The following TCP11L1 variants were observed in gnomAD, a reference collection of about 807,000 sequenced individuals.
The protein encoded by TCP11L1 is T-complex protein 11-like protein 1.
TCP11L1 carries 28 observed loss-of-function variants against 48.9 expected under a neutral mutation model. The observed-to-expected ratio is 0.57, with a 90% CI of 0.42 to 0.78. TCP11L1 has a LOEUF of 0.78. Among genes scored for constraint, TCP11L1 ranks in the 30% least tolerant of loss-of-function variants. The pLI is 0.00. For missense variants in TCP11L1, 505 were observed against 613.4 expected (o/e 0.82, Z 1.87); for synonymous variants, 204 against 231.9 (o/e 0.88, Z 1.09).
intron 5 of TCP11L1, among the ~76,000 whole-genome samples, 172 bp from the exon 6 acceptor site, chr11:33,058,787 A>T (rs1854389215): frequency 6.6e-6 from 1 of 151,690 alleles, no homozygotes; most frequent in South Asian, 2.1e-4. Flanking sequence ...TCATGTTGTC[A>T]CATTTGCTAT....
At chr11:33,056,842 TTA>T (rs1854323702) in intron 3 of TCP11L1, 1 of 369,470 alleles carries the variant, frequency 2.7e-6, no homozygotes, top group South Asian at 4.0e-5. Context: ...AATATTCTTA[TTA>T]TATGGCACTG....
intron 2 of TCP11L1, among the ~76,000 whole-genome samples, chr11:33,048,376 A>T (rs1854060513): frequency 6.6e-6 from 1 of 152,126 alleles, no homozygotes; most frequent in Non-Finnish European, 1.5e-5. Flanking sequence ...TGAGGTGAAG[A>T]CGTGTTGTCC....
intron 3 of TCP11L1, chr11:33,056,556 CTTA>C (rs936473405): frequency 7.2e-5 from 12 of 165,998 alleles, no homozygotes; most frequent in Admixed American, 3.0e-4. Context: ...GAATTGTTAT[CTTA>C]TTATTATTAT....
intron 4 of TCP11L1, 69 bp downstream of exon 4, chr11:33,057,304 C>T: frequency 6.3e-7 from 1 of 1,594,738 alleles, no homozygotes; most frequent in Middle Eastern, 1.7e-4. Flanking sequence ...TCTTGTGTCA[C>T]CACCAGAAGA....
chr11:33,070,213 T>G (rs1854740985), intron 9 of TCP11L1, among the ~76,000 whole-genome samples: 1 of 149,880 alleles, frequency 6.7e-6, no homozygotes, highest in Admixed American at 6.6e-5. Flanking sequence ...CCCAGGAGTT[T>G]GAGGCTGCAG....
intron 1 of TCP11L1, among the ~76,000 whole-genome samples, chr11:33,042,152 A>G (rs1853853995): frequency 6.6e-6 from 1 of 152,108 alleles, no homozygotes; most frequent in Admixed American, 6.6e-5. Flanking sequence ...GTTTGTTTAG[A>G]CAGAGTCTCA....
Position 33,069,380 on chromosome 11 carries a change from A to G in TCP11L1, c.1327+521A>G, listed in dbSNP as rs1854711814. Among the ~76,000 whole-genome samples the G allele has an allele frequency of 2.6e-5, 4 of 151,688 alleles. No homozygotes were observed. In the South Asian group the frequency reaches 8.3e-4, roughly 31 times the overall value. On this transcript the variant is annotated intron_variant, in intron 9 of 9. Coordinates refer to ENST00000334274, the MANE Select transcript of TCP11L1 (RefSeq NM_018393.4). Reference sequence around the variant, plus strand: ...ATCAAATATAATAACTTAAAATGGTAATATTAAGATATTGCTATTTAAAAT... The same window carrying G: ...ATCAAATATAATAACTTAAAATGGTGATATTAAGATATTGCTATTTAAAAT...
chr11:33,068,559 GTC>G, intron 8 of TCP11L1, 126 bp from the exon 9 acceptor site: 2 of 1,167,244 alleles, frequency 1.7e-6, no homozygotes, highest in Non-Finnish European at 2.5e-6. Context: ...AGGGAAAAGA[GTC>G]TCAAATTGTC....
At chr11:33,072,059 T>A (rs1302709352) in intron 9 of TCP11L1, among the ~76,000 whole-genome samples, 1 of 152,196 alleles carries the variant, frequency 6.6e-6, no homozygotes, top group Non-Finnish European at 1.5e-5. Flanking sequence ...ATGGCCAGGC[T>A]GGTCGAACTC....
At chr11:33,071,318 A>G (rs1337449946) in intron 9 of TCP11L1, among the ~76,000 whole-genome samples, 2 of 152,022 alleles carry the variant, frequency 1.3e-5, no homozygotes, top group Non-Finnish European at 2.9e-5. Flanking sequence ...TGTCTCGAGA[A>G]AAAAAAAGAG....
At position 33,057,969 on chromosome 11, in the gene TCP11L1, A is replaced by T; in HGVS notation, c.468A>T (p.Ile156=). ...GTCATACTAGACTGAGAAACCAGAT[A>T]ACAGAAGTCTTGGATCTGGATCTGA... ...LPGHTRLRNQ[I]TEVLDLDLIK... is the part of the protein sequence containing the mutation. The change falls in exon 5 of 10, where the codon ATA becomes ATT. Residue 156 remains isoleucine, a synonymous_variant. Coordinates refer to ENST00000334274, the MANE Select transcript of TCP11L1 (RefSeq NM_018393.4). 6.2e-7 allele frequency: 1 copy of T among 1,614,170 alleles called. No individual in the cohort carries two copies. Among genetic ancestry groups the T allele is most frequent in the Non-Finnish European group, 8.5e-7 (1 of 1,180,018 alleles).
intron 3 of TCP11L1, 117 bp from the exon 4 acceptor site, chr11:33,056,998 G>T: frequency 7.1e-7 from 1 of 1,410,462 alleles, no homozygotes; most frequent in Non-Finnish European, 9.6e-7. Flanking sequence ...TCTTTCCTTG[G>T]TCCAAATCAC....
chr11:33,052,464 G>T (rs551158580), intron 2 of TCP11L1, among the ~76,000 whole-genome samples: 1 of 136,246 alleles, frequency 7.3e-6, no homozygotes, highest in African/African-American at 2.7e-5. Context: ...TCTTCGATTT[G>T]GTTCCTTTTT....
intron 2 of TCP11L1, among the ~76,000 whole-genome samples, chr11:33,046,765 T>C (rs906903145): frequency 5.3e-5 from 8 of 152,204 alleles, no homozygotes; most frequent in African/African-American, 1.9e-4. Flanking sequence ...TTACAAAATA[T>C]GGAATTAACA....
chr11:33,058,176 AAT>A (rs766831874), intron 5 of TCP11L1, 37 bp downstream of exon 5: 1 of 1,534,996 alleles, frequency 6.5e-7, no homozygotes, highest in Admixed American at 2.2e-5. Context: ...GTGCAACTAC[AAT>A]TCAGAGGCAT....
chr11:33,046,841 C>A (rs1282835279), intron 2 of TCP11L1, among the ~76,000 whole-genome samples: 1 of 152,226 alleles, frequency 6.6e-6, no homozygotes, highest in Non-Finnish European at 1.5e-5. Flanking sequence ...ACTCTAAAAT[C>A]ATATTTGGAA....
At chr11:33,039,989 A>T (rs1461880260) in intron 1 of TCP11L1, 197 bp downstream of exon 1, 2 of 151,568 alleles carry the variant, frequency 1.3e-5, no homozygotes, top group South Asian at 4.2e-4. Context: ...GTCCTCCCCT[A>T]CTCCCGGCCC....
At chr11:33,056,962 C>A (rs1221444515) in intron 3 of TCP11L1, among the ~76,000 whole-genome samples, 153 bp from the exon 4 acceptor site, 2 of 152,116 alleles carry the variant, frequency 1.3e-5, no homozygotes, top group South Asian at 4.1e-4. Context: ...ATAAAGTATG[C>A]CCTCAGTTGA....
At chr11:33,064,877 C>T (rs944403924) in intron 7 of TCP11L1, among the ~76,000 whole-genome samples, 7 of 152,162 alleles carry the variant, frequency 4.6e-5, no homozygotes, top group East Asian at 1.9e-4. Flanking sequence ...ACTGCAGCCT[C>T]GAAATTCCGG....
Sources: allele counts gnomAD v4.1 joint callset (sites outside exome capture counted in the v4.1 genomes callset), GRCh38; gene constraint gnomAD v4.1.1; transcripts MANE v1.5; gene names NCBI Gene and HGNC (gene_info 2026-07-23, HGNC 2026-07-21).